CLASP1: variants seen among roughly 807,000 people sequenced by gnomAD.
CLASP1 encodes the protein cytoplasmic linker associated protein 1, also known as CLIP-associating protein 1.
Under a neutral mutation model 192.3 loss-of-function variants are expected in CLASP1, and 38 were observed. The ratio of observed to expected loss-of-function variants is 0.20; its 90% CI spans 0.15 to 0.26. CLASP1 has a LOEUF of 0.26. CLASP1 is among the 10% of genes least tolerant of loss of function. The pLI, the probability that CLASP1 is intolerant of heterozygous loss-of-function variation, is 1.00. For missense variants in CLASP1, 1,433 were observed against 1,932.5 expected (o/e 0.74, Z 4.85); for synonymous variants, 691 against 712.8 (o/e 0.97, Z 0.49).
At chr2:121,584,143 C>T (rs980967877) in intron 2 of CLASP1, among the ~76,000 whole-genome samples, 3 of 152,094 alleles carry the variant, frequency 2.0e-5, no homozygotes, top group Non-Finnish European at 4.4e-5. Flanking sequence ...GGGCATCTTG[C>T]TTTCTTTGTT....
intron 19 of CLASP1, among the ~76,000 whole-genome samples, chr2:121,446,814 A>G (rs868536838): frequency 6.6e-6 from 1 of 152,216 alleles, no homozygotes; most frequent in East Asian, 1.9e-4. Flanking sequence ...TTGCACAGAC[A>G]TGGTTATGCT....
At chr2:121,460,232 T>C in intron 11 of CLASP1, 107 bp from the exon 12 acceptor site, 1 of 878,898 alleles carries the variant, frequency 1.1e-6, no homozygotes, top group South Asian at 2.4e-5. Context: ...AAAGTTCAAC[T>C]GATTAGAAAG....
At chr2:121,605,631 A>AT in intron 2 of CLASP1, 70 bp downstream of exon 2, 1 of 1,182,284 alleles carries the variant, frequency 8.5e-7, no homozygotes, top group Non-Finnish European at 1.2e-6. Flanking sequence ...AGGGATTTTT[A>AT]TAAGGGCCAA....
intron 21 of CLASP1, among the ~76,000 whole-genome samples, chr2:121,425,743 G>A (rs1192120091): frequency 6.6e-6 from 1 of 152,084 alleles, no homozygotes; most frequent in Non-Finnish European, 1.5e-5. Context: ...GGAGTAGGGG[G>A]ATAAAATAAC....
intron 1 of CLASP1, among the ~76,000 whole-genome samples, chr2:121,612,044 A>T (rs1016836045): frequency 1.3e-5 from 2 of 149,302 alleles, no homozygotes; most frequent in South Asian, 2.1e-4. Flanking sequence ...GAAGAGGAGG[A>T]GTTACAGGAG....
At chr2:121,447,640 GACAA>G (rs761939769) in intron 18 of CLASP1, 133 bp from the exon 19 acceptor site, 189 of 767,354 alleles carry the variant, frequency 2.5e-4, no homozygotes, top group Admixed American at 2.1e-3. Context: ...ATAAAAAACT[GACAA>G]ACAGTTTCTC....
intron 37 of CLASP1, among the ~76,000 whole-genome samples, chr2:121,359,924 A>G (rs1215961843): frequency 6.6e-6 from 1 of 152,244 alleles, no homozygotes; most frequent in Non-Finnish European, 1.5e-5. Context: ...TTCTGCACAT[A>G]TAGCTTCTTT....
intron 2 of CLASP1, chr2:121,530,769 G>T (rs937913382): frequency 1.8e-6 from 1 of 555,944 alleles, no homozygotes; most frequent in African/African-American, 1.9e-5. Context: ...AGCTGTGGAG[G>T]CTGGAGGTAA....
intron 5 of CLASP1, 168 bp from the exon 6 acceptor site, chr2:121,526,088 G>A (rs2094567164): frequency 3.2e-6 from 2 of 619,466 alleles, no homozygotes; most frequent in Non-Finnish European, 5.8e-6. Flanking sequence ...GTGTCCGATG[G>A]CCCCTTTGCA....
At chr2:121,460,701 C>T (rs1201386852) in intron 11 of CLASP1, among the ~76,000 whole-genome samples, 1 of 152,114 alleles carries the variant, frequency 6.6e-6, no homozygotes, top group Non-Finnish European at 1.5e-5. Flanking sequence ...CATTAATCTA[C>T]TTTTAAAAAT....
chr2:121,457,936 TAC>T (rs2087037924), intron 13 of CLASP1, among the ~76,000 whole-genome samples, 179 bp from the exon 14 acceptor site: 1 of 152,192 alleles, frequency 6.6e-6, no homozygotes, highest in African/African-American at 2.4e-5. Context: ...TTAGAAAATT[TAC>T]AGAGTTAAGA....
At position 121,509,326 on chromosome 2, in the gene CLASP1, C is replaced by T. The variant is rs1017334517; in HGVS notation, c.645-6092G>A. Among the ~76,000 whole-genome samples, 7 of 152,200 alleles carry T rather than the reference C, an allele frequency of 4.6e-5. No homozygotes were observed. The South Asian group carries it at 1.2e-3, about 27-fold the overall frequency. ...ATGTAGCTAGGACCACAGGCACACG[C>T]TACCACACCCAACTAATTTTTTAAT... is the stretch of plus-strand genomic sequence containing the variant. On this transcript the variant is annotated intron_variant, in intron 7 of 39. Coordinates refer to ENST00000263710, the Ensembl canonical transcript of CLASP1.
At chr2:121,494,622 A>T (rs2093451126) in intron 8 of CLASP1, among the ~76,000 whole-genome samples, 1 of 152,250 alleles carries the variant, frequency 6.6e-6, no homozygotes, top group Non-Finnish European at 1.5e-5. Flanking sequence ...AACACAAGAA[A>T]TGATAAATGC....
intron 22 of CLASP1, among the ~76,000 whole-genome samples, chr2:121,424,434 G>A: frequency 6.6e-6 from 1 of 152,270 alleles, no homozygotes; most frequent in African/African-American, 2.4e-5. Context: ...CCCTTAGGAA[G>A]TAAAGAAGTC....
intron 24 of CLASP1, among the ~76,000 whole-genome samples, chr2:121,410,470 G>C (rs2077537725): frequency 6.6e-6 from 1 of 151,854 alleles, no homozygotes. Flanking sequence ...ATAATAATAT[G>C]TCTAGGTTAT....
At chr2:121,355,065 A>G (rs2065149432) in intron 37 of CLASP1, among the ~76,000 whole-genome samples, 1 of 151,346 alleles carries the variant, frequency 6.6e-6, no homozygotes, top group African/African-American at 2.4e-5. Flanking sequence ...CTGAGCTGAA[A>G]CCCAAACCCA....
At chr2:121,605,872 G>A (rs1196200323) in exon 2 of CLASP1, 3 of 1,613,806 alleles carry the variant, frequency 1.9e-6, no homozygotes, top group Non-Finnish European at 2.5e-6. Context: ...CCTGCGCCAG[G>A]CAGGACTCCA....
chr2:121,464,666 T>C (rs1432700733), intron 9 of CLASP1, among the ~76,000 whole-genome samples: 4 of 152,218 alleles, frequency 2.6e-5, no homozygotes, highest in African/African-American at 4.8e-5. Flanking sequence ...TGTCTGTTCA[T>C]GTCCTTCACC....
At chr2:121,549,108 G>A (rs1470512439) in intron 2 of CLASP1, among the ~76,000 whole-genome samples, 1 of 152,134 alleles carries the variant, frequency 6.6e-6, no homozygotes, top group Admixed American at 6.5e-5. Context: ...GAATGTAAAT[G>A]GGCTAAATGC....
Sources: allele counts gnomAD v4.1 joint callset (sites outside exome capture counted in the v4.1 genomes callset), GRCh38; gene constraint gnomAD v4.1.1; transcripts MANE v1.5; gene names NCBI Gene and HGNC (gene_info 2026-07-23, HGNC 2026-07-21).